OPCML: variants seen among roughly 807,000 people sequenced by gnomAD.
The protein encoded by OPCML is opioid-binding protein/cell adhesion molecule.
A neutral mutation model predicts 37.8 loss-of-function variants in OPCML; 13 were observed. The observed-to-expected ratio is 0.34, with a 90% CI of 0.22 to 0.55. OPCML has a LOEUF of 0.55. Among genes scored for constraint, OPCML ranks in the 20% least tolerant of loss-of-function variants. OPCML has a pLI of 0.91. For synonymous variants in OPCML, 176 were observed against 168.8 expected (o/e 1.04, Z -0.33); for missense variants, 341 against 435.6 (o/e 0.78, Z 1.93).
intron 1 of OPCML, among the ~76,000 whole-genome samples, chr11:133,136,696 G>C (rs767929107): frequency 2.0e-5 from 3 of 151,922 alleles, no homozygotes; most frequent in Non-Finnish European, 2.9e-5. Context: ...AGAGAATACG[G>C]GAGTGAGCAG....
chr11:132,816,483 T>C (rs1939646212), intron 2 of OPCML, among the ~76,000 whole-genome samples: 1 of 152,236 alleles, frequency 6.6e-6, no homozygotes, highest in South Asian at 2.1e-4. Context: ...TTTCAACCAT[T>C]TAAAATGCTT....
At chr11:133,025,696 T>C (rs924619965) in intron 1 of OPCML, among the ~76,000 whole-genome samples, 9 of 151,726 alleles carry the variant, frequency 5.9e-5, no homozygotes, top group Non-Finnish European at 1.2e-4. Context: ...GTTGAGATTA[T>C]GGGCATGAGC....
intron 2 of OPCML, among the ~76,000 whole-genome samples, chr11:132,741,953 C>A (rs1169600598): frequency 6.6e-6 from 1 of 151,576 alleles, no homozygotes; most frequent in Non-Finnish European, 1.5e-5. Flanking sequence ...CACTTGAACC[C>A]GGGAGGTGGA....
Position 132,943,230 on chromosome 11 carries a change from G to A in OPCML, c.62-220C>T. ...GCCAGGAGCAGGGGGAAGGAGAAGA[G>A]AGGAGTCCGGGCTCTCCGGAGTCTG... On this transcript the variant is annotated intron_variant, in intron 1 of 7. Coordinates refer to ENST00000524381, the MANE Select transcript of OPCML (RefSeq NM_001012393.5). The surrounding 1 kb of genome is among the most constrained non-coding windows in gnomAD (Gnocchi z 4.3). The A allele has an allele frequency of 7.7e-7, 1 of 1,299,906 alleles. No homozygotes were observed. Among genetic ancestry groups the A allele is most frequent in the Non-Finnish European group, 1.1e-6 (1 of 943,784 alleles). The allele number at this position is 1,299,906 out of a possible 1,614,324, so 80.5% of individuals were successfully genotyped here. A position where few individuals can be genotyped will look rare whatever the true frequency, so the allele number is the denominator to read the frequency against.
intron 2 of OPCML, among the ~76,000 whole-genome samples, chr11:132,937,187 A>G (rs1945404975): frequency 6.6e-6 from 1 of 152,114 alleles, no homozygotes; most frequent in Non-Finnish European, 1.5e-5. Context: ...CATCAGATCC[A>G]TAAAAACTGC....
At chr11:132,653,516 T>C (rs1941542757) in intron 3 of OPCML, among the ~76,000 whole-genome samples, 1 of 152,208 alleles carries the variant, frequency 6.6e-6, no homozygotes, top group Admixed American at 6.5e-5. Context: ...GTGTGCAGCC[T>C]AGATCACATT....
rs897737686 is a variant in OPCML, at chr11:133,420,244, G to A, written c.61+112020C>T. ...ATAGTTAAAACTTTACCAGCACAATGCTGCAATACTGATCACAGATCCAAA... is the reference window on the plus strand; with the variant it reads ...ATAGTTAAAACTTTACCAGCACAATACTGCAATACTGATCACAGATCCAAA... On this transcript the variant is annotated intron_variant, in intron 1 of 7. Transcript: ENST00000524381. The A allele has an allele frequency of 4.1e-6, 4 of 984,936 alleles. No homozygotes were observed. The African/African-American group carries it at 7.0e-5, about 17-fold the overall frequency. 61.0% of individuals were successfully genotyped at this position (984,936 alleles called of 1,614,324 possible).
intron 1 of OPCML, among the ~76,000 whole-genome samples, chr11:133,235,574 A>G (rs138110555): frequency 1.3e-5 from 2 of 152,350 alleles, no homozygotes; most frequent in Non-Finnish European, 2.9e-5. Context: ...TTTACAAGAC[A>G]TGGCAGAAGT....
At chr11:132,947,434 A>G (rs1945768925) in intron 1 of OPCML, among the ~76,000 whole-genome samples, 1 of 152,210 alleles carries the variant, frequency 6.6e-6, no homozygotes, top group Non-Finnish European at 1.5e-5. Flanking sequence ...TTCCTTCTGT[A>G]ACAGCATTTC....
intron 1 of OPCML, among the ~76,000 whole-genome samples, chr11:133,262,663 C>A (rs532120621): frequency 3.4e-4 from 52 of 152,310 alleles, no homozygotes; most frequent in Admixed American, 7.8e-4. Flanking sequence ...ATCTTGAGCC[C>A]TCTCGTGTGG....
At position 132,815,176 on chromosome 11, in the gene OPCML, A is replaced by G. The variant is rs532213948; in HGVS notation, c.146+127750T>C. Among the ~76,000 whole-genome samples the G allele has an allele frequency of 3.3e-5, 5 of 152,234 alleles. No homozygotes were observed. In the South Asian group the frequency reaches 1.0e-3, roughly 32 times the overall value. On this transcript the variant is annotated intron_variant, in intron 2 of 7. Coordinates refer to ENST00000524381, the MANE Select transcript of OPCML (RefSeq NM_001012393.5). Reference sequence around the variant, plus strand: ...ATTCACCAGATTAAATCCATTTCTCATTCTTCCATGAGTCACCTTTCTAAA... The same window carrying G: ...ATTCACCAGATTAAATCCATTTCTCGTTCTTCCATGAGTCACCTTTCTAAA...
chr11:133,504,007 C>T (rs1180888456), intron 1 of OPCML, among the ~76,000 whole-genome samples: 1 of 151,672 alleles, frequency 6.6e-6, no homozygotes, highest in African/African-American at 2.4e-5. Flanking sequence ...CGGGCCAAGA[C>T]GGGCTTCCTG....
At chr11:132,748,873 G>A (rs553252887) in intron 2 of OPCML, among the ~76,000 whole-genome samples, 2 of 152,320 alleles carry the variant, frequency 1.3e-5, no homozygotes, top group African/African-American at 4.8e-5. Context: ...GGCGGCTGAG[G>A]TGAAGGAGCT....
chr11:132,474,956 C>A (rs559140827), intron 4 of OPCML, among the ~76,000 whole-genome samples: 1 of 152,322 alleles, frequency 6.6e-6, no homozygotes, highest in East Asian at 1.9e-4. Context: ...TCTTTCTTAG[C>A]CACAGCTGCC....
intron 3 of OPCML, among the ~76,000 whole-genome samples, chr11:132,556,873 G>A (rs185634305): frequency 8.9e-4 from 136 of 152,180 alleles, no homozygotes; most frequent in Admixed American, 1.8e-3. Flanking sequence ...TCTCCTAGGC[G>A]GATATTAAAC....
intron 1 of OPCML, among the ~76,000 whole-genome samples, chr11:133,400,357 G>A (rs1945375821): frequency 6.6e-6 from 1 of 152,204 alleles, no homozygotes. Flanking sequence ...AGTTTACTCA[G>A]CCTCCTCAAA....
chr11:132,526,105 TG>T (rs2096307739), intron 4 of OPCML, among the ~76,000 whole-genome samples: 2 of 152,178 alleles, frequency 1.3e-5, no homozygotes, highest in South Asian at 4.1e-4. Flanking sequence ...ATTGGGAATA[TG>T]AATGAATCTC....
At chr11:132,859,968 A>C (rs1288180330) in intron 2 of OPCML, 1 of 152,214 alleles carries the variant, frequency 6.6e-6, no homozygotes, top group Non-Finnish European at 1.5e-5. Flanking sequence ...AAAATGCAAC[A>C]AAGCATTCAA....
intron 2 of OPCML, among the ~76,000 whole-genome samples, chr11:132,738,959 C>A (rs909392294): frequency 1.3e-5 from 2 of 152,036 alleles, no homozygotes; most frequent in African/African-American, 4.8e-5. Context: ...GAGCTGAAAA[C>A]AATTGAGCAA....
Sources: gnomAD v4.1 joint callset for allele counts (sites outside exome capture counted in the v4.1 genomes callset) on GRCh38, gnomAD v4.1.1 for gene constraint, Gnocchi (gnomAD v3.1) non-coding constraint, MANE v1.5 for transcripts, NCBI Gene and HGNC (gene_info 2026-07-23, HGNC 2026-07-21) for gene names.